ESS2: variants seen among roughly 807,000 people sequenced by gnomAD.
ESS2 encodes splicing factor ESS-2 homolog.
In ESS2, 31 loss-of-function variants were observed where a neutral mutation model predicts 52.0. That is an observed-to-expected ratio of 0.60 (90% CI 0.45 to 0.81). The LOEUF is 0.81. ESS2 is among the 30% of genes least tolerant of loss of function. The probability of loss-of-function intolerance (pLI) is 0.00; values close to 1 mark genes in which losing one functional copy is unlikely to be tolerated. For missense variants in ESS2, 602 were observed against 637.2 expected (o/e 0.94, Z 0.59); for synonymous variants, 285 against 259.2 (o/e 1.10, Z -0.95).
At position 19,133,995 on chromosome 22, in the gene ESS2, G is replaced by T; in HGVS notation, c.*201C>A. ...GGGCCAATTAAACAGCAAACAGCTT[G>T]GCAAGGCCCTGGGGTGTGGTGTGGG... On this transcript the variant is annotated 3_prime_UTR_variant, in exon 10 of 10. Coordinates refer to ENST00000252137, the MANE Select transcript of ESS2 (RefSeq NM_022719.3). 2.0e-6 allele frequency: 1 copy of T among 500,958 alleles called. No individual in the cohort carries two copies. Among genetic ancestry groups the T allele is most frequent in the Non-Finnish European group, 3.2e-6 (1 of 315,504 alleles). The allele number at this position is 500,958 out of a possible 1,614,324, so 31.0% of individuals were successfully genotyped here.
chr22:19,141,521 C>T (rs1024717946), intron 3 of ESS2, among the ~76,000 whole-genome samples: 1 of 152,178 alleles, frequency 6.6e-6, no homozygotes, highest in African/African-American at 2.4e-5. Context: ...TCCCAGCAAA[C>T]ATGCTGAAGA....
intron 1 of ESS2, among the ~76,000 whole-genome samples, chr22:19,143,680 A>AC (rs140425192): frequency 0.022 from 3,294 of 152,160 alleles, 110 homozygotes; most frequent in African/African-American, 0.073. Flanking sequence ...ACATGGTGAA[A>AC]CCCCACCACT....
At chr22:19,139,318 C>A (rs1194431652) in intron 5 of ESS2, 26 bp from the exon 6 acceptor site, 1 of 1,559,290 alleles carries the variant, frequency 6.4e-7, no homozygotes, top group South Asian at 1.2e-5. Flanking sequence ...AAGGTAGCAG[C>A]AGGTGTCAGA....
rs1223759882 is a variant in ESS2 at position 19,131,380 on chromosome 22, C to T, written c.*2816G>A. Reference sequence around the variant, plus strand: ...GACGGGGGGATGTAGACGGCAGCGGCGCCAGTCGCTCCTGGCACCATGGAC... The same window carrying T: ...GACGGGGGGATGTAGACGGCAGCGGTGCCAGTCGCTCCTGGCACCATGGAC... On this transcript the variant is annotated 3_prime_UTR_variant, in exon 10 of 10. Coordinates refer to ENST00000252137, the MANE Select transcript of ESS2 (RefSeq NM_022719.3). This position sits in a 1 kb window ranked among gnomAD's most constrained non-coding sequence, Gnocchi z 5.7. 9 of 1,549,534 alleles carry T rather than the reference C, an allele frequency of 5.8e-6. No homozygotes were observed. Among genetic ancestry groups the T allele is most frequent in the Middle Eastern group, 1.7e-4 (1 of 5,784 alleles).
intron 8 of ESS2, among the ~76,000 whole-genome samples, chr22:19,136,886 C>T (rs570414599): frequency 5.3e-5 from 8 of 152,206 alleles, no homozygotes; most frequent in African/African-American, 1.2e-4. Flanking sequence ...TGGTCTGTGC[C>T]GGGCCTCACA....
chr22:19,134,997 G>T, intron 9 of ESS2, 63 bp downstream of exon 9: 1 of 1,508,468 alleles, frequency 6.6e-7, no homozygotes. Flanking sequence ...GTCAGGGCAG[G>T]GGCCGAACAG....
At position 19,131,318 on chromosome 22, in the gene ESS2, G is replaced by A. The variant is rs878965288; in HGVS notation, c.*2878C>T. ...CAGGGCAGCCCAGCCAGACGCCTCC[G>A]GTAGTGTAAATGAGGACAATGCCTG... On this transcript the variant is annotated 3_prime_UTR_variant, in exon 10 of 10. Transcript: ENST00000252137. The surrounding 1 kb of genome is among the most constrained non-coding windows in gnomAD (Gnocchi z 5.7). 2.0e-5 allele frequency: 26 copies of A among 1,286,904 alleles called. No homozygotes were observed. Among genetic ancestry groups the A allele is most frequent in the Middle Eastern group, 1.9e-4 (1 of 5,246 alleles). 79.7% of individuals were successfully genotyped at this position (1,286,904 alleles called of 1,614,324 possible).
intron 8 of ESS2, among the ~76,000 whole-genome samples, chr22:19,136,073 C>G (rs1385460834): frequency 6.8e-6 from 1 of 146,684 alleles, no homozygotes; most frequent in Non-Finnish European, 1.5e-5. Context: ...GGCACAGTGG[C>G]TCACGCCTGT....
At chr22:19,140,443 C>T (rs1475314790) in intron 3 of ESS2, among the ~76,000 whole-genome samples, 2 of 152,148 alleles carry the variant, frequency 1.3e-5, no homozygotes, top group Non-Finnish European at 2.9e-5. Flanking sequence ...ATTTCCTTAC[C>T]TTACCCACTC....
rs753837958 is a variant in ESS2 at position 19,131,831 on chromosome 22, C to G, written c.*2365G>C. The G allele has an allele frequency of 1.2e-6, 2 of 1,614,140 alleles. No individual in the cohort carries two copies. The highest frequency in any genetic ancestry group is 1.7e-6 in the Non-Finnish European group (2 of 1,180,032). On this transcript the variant is annotated 3_prime_UTR_variant, in exon 10 of 10. Coordinates refer to ENST00000252137, the MANE Select transcript of ESS2 (RefSeq NM_022719.3). This position sits in a 1 kb window ranked among gnomAD's most constrained non-coding sequence, Gnocchi z 5.7. Reference sequence around the variant, plus strand: ...ACCTCAAGTGCGAGAACCTTCTCCTCGACAAGGACTTCAACATCAAGCTGT... The same window carrying G: ...ACCTCAAGTGCGAGAACCTTCTCCTGGACAAGGACTTCAACATCAAGCTGT...
chr22:19,132,213 C>A lies in ESS2; in HGVS notation c.*1983G>T, dbSNP rs753168306. ...CGATGAGATCCTCAGCCACTCGTGGCTGCAGCCCCCCAAGCCCAAAGCCAC... is the reference window on the plus strand; with the variant it reads ...CGATGAGATCCTCAGCCACTCGTGGATGCAGCCCCCCAAGCCCAAAGCCAC... On this transcript the variant is annotated 3_prime_UTR_variant, in exon 10 of 10. Coordinates refer to ENST00000252137, the MANE Select transcript of ESS2 (RefSeq NM_022719.3). This position sits in a 1 kb window ranked among gnomAD's most constrained non-coding sequence, Gnocchi z 4.2. The A allele has an allele frequency of 6.2e-7, 1 of 1,612,352 alleles. No homozygotes were observed. Among genetic ancestry groups the A allele is most frequent in the South Asian group, 1.1e-5 (1 of 91,034 alleles).
intron 9 of ESS2, 70 bp from the exon 10 acceptor site, chr22:19,134,545 T>A: frequency 1.4e-6 from 2 of 1,442,906 alleles, no homozygotes; most frequent in Non-Finnish European, 1.8e-6. Flanking sequence ...AGGGCCTCCC[T>A]TGGCTCCCAG....
chr22:19,141,135 A>G (rs549664383), intron 3 of ESS2, among the ~76,000 whole-genome samples: 1 of 151,620 alleles, frequency 6.6e-6, no homozygotes, highest in Non-Finnish European at 1.5e-5. Context: ...AAAAAAAAAA[A>G]GGAGAAGAAA....
rs1328060994 is a variant in ESS2 at position 19,142,879 on chromosome 22, T to A, written c.151A>T (p.Ile51Phe). The change falls in exon 2 of 10, where the codon ATC becomes TTC. Residue 51 changes from isoleucine to phenylalanine, a missense_variant. Physicochemically the swap from Ile to Phe is conservative, Grantham distance 21. Coordinates refer to ENST00000252137, the MANE Select transcript of ESS2 (RefSeq NM_022719.3). ...ACATCAGGAAAGAAATCCCTTTGGA[T>A]GACCGTCTGGAGGCCCTGCAAGGAG... is the stretch of plus-strand genomic sequence containing the variant. ...EEYIEGLQTV[I>F]QRDFFPDVEK... is the part of the protein sequence containing the mutation. The A allele has an allele frequency of 6.2e-7, 1 of 1,613,780 alleles. No homozygotes were observed. The highest frequency in any genetic ancestry group is 1.7e-5 in the Admixed American group (1 of 59,970).
chr22:19,139,164 C>G lies in ESS2; in HGVS notation c.817G>C (p.Ala273Pro). The change falls in exon 6 of 10, where the codon GCC (alanine) becomes CCC (proline). Residue 273 changes from alanine (A) to proline (P), a missense_variant. Transcript: ENST00000252137. ...CQLQQAAALN[A>P]QHKQGKVGPD... is the part of the protein sequence containing the mutation. ...CTGCTGACCCGCCTGCTCACCTGGGCATTGAGGGCGGCTGCCTGCTGGAGC... is the reference window on the plus strand; with the variant it reads ...CTGCTGACCCGCCTGCTCACCTGGGGATTGAGGGCGGCTGCCTGCTGGAGC... 2.5e-6 allele frequency: 4 copies of G among 1,595,512 alleles called. No individual in the cohort carries two copies. The highest frequency in any genetic ancestry group is 3.4e-6 in the Non-Finnish European group (4 of 1,170,682).
intron 7 of ESS2, 118 bp downstream of exon 7, chr22:19,138,097 T>C: frequency 6.5e-7 from 1 of 1,530,032 alleles, no homozygotes; most frequent in Non-Finnish European, 8.8e-7. Context: ...GTCCCTGAGT[T>C]ACACAAGGTG....
intron 1 of ESS2, among the ~76,000 whole-genome samples, chr22:19,143,215 AAAAAAG>A (rs2083723827): frequency 1.3e-5 from 2 of 151,056 alleles, no homozygotes; most frequent in South Asian, 2.1e-4. Flanking sequence ...AAAAAAAAAA[AAAAAAG>A]AAAAAAGAAA....
Position 19,131,205 on chromosome 22 carries a change from C to T in ESS2, c.*2991G>A, listed in dbSNP as rs913351338. ...CCCTGTTCTCCCTCAGCCCAGTCCC[C>T]GCCCCCACTCCTTGGCTTTATGAGT... On this transcript the variant is annotated 3_prime_UTR_variant, in exon 10 of 10. Transcript: ENST00000252137. The surrounding 1 kb of genome is among the most constrained non-coding windows in gnomAD (Gnocchi z 5.7). The T allele has an allele frequency of 1.0e-5, 6 of 584,206 alleles. No individual in the cohort carries two copies. The highest frequency in any genetic ancestry group is 2.6e-4 in the Middle Eastern group (1 of 3,852). 36.2% of individuals were successfully genotyped at this position (584,206 alleles called of 1,614,324 possible).
At chr22:19,138,390 G>A (rs1324568540) in intron 6 of ESS2, 73 bp from the exon 7 acceptor site, 5 of 1,348,938 alleles carry the variant, frequency 3.7e-6, no homozygotes, top group Non-Finnish European at 5.2e-6. Context: ...GGGCAAACAC[G>A]TGGGAACATG....
Sources: gnomAD v4.1 joint callset for allele counts (sites outside exome capture counted in the v4.1 genomes callset) on GRCh38, gnomAD v4.1.1 for gene constraint, Gnocchi (gnomAD v3.1) non-coding constraint, MANE v1.5 for transcripts, NCBI Gene and HGNC (gene_info 2026-07-23, HGNC 2026-07-21) for gene names.